Variants in ZBTB20 observed in about 807,000 individuals in gnomAD.
The protein encoded by ZBTB20 is zinc finger and BTB domain containing 20, also known as zinc finger and BTB domain-containing protein 20.
A neutral mutation model predicts 56.9 loss-of-function variants in ZBTB20; 9 were observed. That is an observed-to-expected ratio of 0.16 (90% CI 0.10 to 0.28). The LOEUF (loss-of-function observed/expected upper bound fraction) is 0.28. Among genes scored for constraint, ZBTB20 ranks in the 10% least tolerant of loss-of-function variants. The pLI is 1.00. For missense variants in ZBTB20, 655 were observed against 1,003.0 expected (o/e 0.65, Z 4.69); for synonymous variants, 417 against 420.7 (o/e 0.99, Z 0.11).
At chr3:114,739,038 G>A (rs1246757367) in intron 5 of ZBTB20, among the ~76,000 whole-genome samples, 3 of 152,144 alleles carry the variant, frequency 2.0e-5, no homozygotes, top group South Asian at 2.1e-4. Flanking sequence ...CCAAAGTGTT[G>A]GGATTACAGG....
intron 7 of ZBTB20, among the ~76,000 whole-genome samples, chr3:114,445,882 A>C (rs916985742): frequency 5.3e-5 from 8 of 152,248 alleles, no homozygotes; most frequent in Non-Finnish European, 1.2e-4. Context: ...GAAATATTAA[A>C]TCTGTTCTAT....
At chr3:114,993,371 A>G (rs1378579625) in intron 2 of ZBTB20, among the ~76,000 whole-genome samples, 1 of 151,910 alleles carries the variant, frequency 6.6e-6, no homozygotes, top group Non-Finnish European at 1.5e-5. Context: ...AGATACATCA[A>G]CAGGAAAGAA....
chr3:114,473,835 A>C (rs556403488), intron 7 of ZBTB20, among the ~76,000 whole-genome samples: 38 of 152,156 alleles, frequency 2.5e-4, no homozygotes, highest in Non-Finnish European at 5.1e-4. Context: ...GGAATCTGAG[A>C]CCCAGAGAAG....
chr3:115,021,162 T>C (rs1013357556), intron 2 of ZBTB20, among the ~76,000 whole-genome samples: 20 of 150,998 alleles, frequency 1.3e-4, no homozygotes, highest in Non-Finnish European at 2.2e-4. Flanking sequence ...ATTTTTAATT[T>C]AGAGTGTTTT....
At chr3:114,524,117 A>G (rs1036383830) in intron 6 of ZBTB20, among the ~76,000 whole-genome samples, 5 of 152,222 alleles carry the variant, frequency 3.3e-5, no homozygotes, top group Non-Finnish European at 5.9e-5. Context: ...ATCATTGTCC[A>G]TGGAATCTAC....
intron 1 of ZBTB20, among the ~76,000 whole-genome samples, chr3:115,083,987 G>A (rs929039184): frequency 2.0e-5 from 3 of 151,796 alleles, no homozygotes; most frequent in African/African-American, 7.2e-5. Context: ...AAAGTTTAGT[G>A]GATATTGTCT....
chr3:114,548,408 C>A (rs780979801), intron 6 of ZBTB20, among the ~76,000 whole-genome samples: 1 of 152,060 alleles, frequency 6.6e-6, no homozygotes, highest in Non-Finnish European at 1.5e-5. Flanking sequence ...TGGGAAGAGA[C>A]CTAAGAGATC....
chr3:114,518,701 A>T (rs1375580129), intron 6 of ZBTB20: 1 of 152,236 alleles, frequency 6.6e-6, no homozygotes, highest in Non-Finnish European at 1.5e-5. Context: ...TGAATGATCA[A>T]CTAGTGAATA....
intron 3 of ZBTB20, among the ~76,000 whole-genome samples, chr3:114,937,391 T>C (rs143399738): frequency 2.6e-5 from 4 of 152,242 alleles, no homozygotes; most frequent in African/African-American, 7.2e-5. Context: ...TTTTTTCATA[T>C]GTTTGTTGGT....
At position 115,048,869 on chromosome 3, in the gene ZBTB20, CT is replaced by C. The variant is rs369367707; in HGVS notation, c.-507+22349del. 4.2e-3 allele frequency among the ~76,000 whole-genome samples: 636 copies of C among 150,922 alleles called. 6 individuals are homozygous for C. Among genetic ancestry groups the C allele is most frequent in the African/African-American group, 0.015 (594 of 40,384 alleles). On this transcript the variant is annotated intron_variant, in intron 2 of 11. Coordinates refer to ENST00000675478, the MANE Select transcript of ZBTB20 (RefSeq NM_001348800.3). ...AAGAGTATTTATTAAAGACTTCTAT[CT>C]AAAAAAAAGGATTTATACCAATCCA...
intron 6 of ZBTB20, among the ~76,000 whole-genome samples, chr3:114,686,422 A>T (rs1157972137): frequency 6.6e-6 from 1 of 152,226 alleles, no homozygotes; most frequent in Non-Finnish European, 1.5e-5. Flanking sequence ...GCAGGAAACA[A>T]GCAAATAAAA....
intron 2 of ZBTB20, among the ~76,000 whole-genome samples, chr3:114,990,748 G>T (rs1444263089): frequency 6.6e-6 from 1 of 152,014 alleles, no homozygotes; most frequent in Non-Finnish European, 1.5e-5. Context: ...ACTTTTTTTG[G>T]TTGGTAGGCT....
At chr3:114,795,184 C>T (rs2071258215) in intron 5 of ZBTB20, among the ~76,000 whole-genome samples, 1 of 152,060 alleles carries the variant, frequency 6.6e-6, no homozygotes, top group Non-Finnish European at 1.5e-5. Context: ...AGTCCAAGCT[C>T]TCCTCAAACT....
In ZBTB20 at chr3:114,316,189, A is replaced by C. The variant is rs1576156157; in HGVS notation, c.*22816T>G. 2.8e-5 allele frequency: 7 copies of C among 252,530 alleles called. No individual in the cohort carries two copies. Among genetic ancestry groups the C allele is most frequent in the South Asian group, 2.8e-4 (7 of 25,408 alleles). 15.6% of individuals were successfully genotyped at this position (252,530 alleles called of 1,614,324 possible). A position where few individuals can be genotyped will look rare whatever the true frequency, so the allele number is the denominator to read the frequency against. On this transcript the variant is annotated 3_prime_UTR_variant, in exon 12 of 12. Transcript: ENST00000675478. ...CATGACTAAAAGAAATAACTGATGA[A>C]ATGGTATATAGAACATTACTGCATT...
intron 5 of ZBTB20, among the ~76,000 whole-genome samples, chr3:114,798,550 C>T (rs1354886622): frequency 1.3e-5 from 2 of 151,772 alleles, no homozygotes; most frequent in African/African-American, 4.8e-5. Flanking sequence ...ATTGTAAATT[C>T]AGATAGACTA....
intron 4 of ZBTB20, among the ~76,000 whole-genome samples, chr3:114,867,695 A>G (rs1187187333): frequency 6.6e-6 from 1 of 152,118 alleles, no homozygotes; most frequent in African/African-American, 2.4e-5. Context: ...TCCACCTCTC[A>G]AAGTGCTGAG....
chr3:115,141,185 G>C (rs1369401008), intron 1 of ZBTB20, among the ~76,000 whole-genome samples: 1 of 152,206 alleles, frequency 6.6e-6, no homozygotes, highest in South Asian at 2.1e-4. Flanking sequence ...TGTCAATAGA[G>C]ACTACTGTTT....
intron 7 of ZBTB20, among the ~76,000 whole-genome samples, chr3:114,448,154 G>T (rs2091380940): frequency 6.6e-6 from 1 of 152,044 alleles, no homozygotes; most frequent in Admixed American, 6.6e-5. Flanking sequence ...AGCCACCCAG[G>T]ATCAGCTCTT....
intron 7 of ZBTB20, among the ~76,000 whole-genome samples, chr3:114,425,153 T>A (rs2089539781): frequency 6.6e-6 from 1 of 152,156 alleles, no homozygotes; most frequent in Non-Finnish European, 1.5e-5. Context: ...GACCACCCTG[T>A]TTACAGCTGA....
Sources: allele counts gnomAD v4.1 joint callset (sites outside exome capture counted in the v4.1 genomes callset), GRCh38; gene constraint gnomAD v4.1.1; transcripts MANE v1.5; gene names NCBI Gene and HGNC (gene_info 2026-07-23, HGNC 2026-07-21).